NDUFAF2: variants seen among roughly 807,000 people sequenced by gnomAD.
NDUFAF2 encodes the protein NADH:ubiquinone oxidoreductase complex assembly factor 2.
In NDUFAF2, 13 loss-of-function variants were observed where a neutral mutation model predicts 22.8. That is an observed-to-expected ratio of 0.57 (90% CI 0.37 to 0.91). NDUFAF2 has a LOEUF of 0.91. Ranked by LOEUF, NDUFAF2 falls within the 40% of genes least tolerant of loss-of-function variation. NDUFAF2 has a pLI of 0.01. For missense variants in NDUFAF2, 162 were observed against 195.2 expected (o/e 0.83, Z 1.01); for synonymous variants, 53 against 64.2 (o/e 0.83, Z 0.84).
chr5:61,134,526 A>T (rs569757390), intron 3 of NDUFAF2, among the ~76,000 whole-genome samples: 12 of 151,798 alleles, frequency 7.9e-5, no homozygotes, highest in African/African-American at 2.4e-4. Context: ...TCTACTAAAA[A>T]TACAAAAAAA....
At chr5:61,040,372 A>C (rs1580108521) in intron 1 of NDUFAF2, among the ~76,000 whole-genome samples, 1 of 152,156 alleles carries the variant, frequency 6.6e-6, no homozygotes, top group East Asian at 1.9e-4. Context: ...TAGAAAAGGC[A>C]AAGAAAGATT....
Position 61,067,898 on chromosome 5 carries a change from C to T in NDUFAF2, c.128-5227C>T, listed in dbSNP as rs544205617. On this transcript the variant is annotated intron_variant, in intron 1 of 3. Coordinates refer to ENST00000296597, the MANE Select transcript of NDUFAF2 (RefSeq NM_174889.5). ...CTCACTGTGGTTTTGATTTGCATTT[C>T]TCTGATGGCCAGTGATGATAAGCAT... Among the ~76,000 whole-genome samples, 6 of 152,212 alleles carry T rather than the reference C, an allele frequency of 3.9e-5. No homozygotes were observed. The South Asian group carries it at 6.2e-4, about 16-fold the overall frequency.
intron 3 of NDUFAF2, chr5:61,116,891 C>T (rs1335517037): frequency 6.6e-6 from 1 of 152,088 alleles, no homozygotes; most frequent in Non-Finnish European, 1.5e-5. Context: ...CCTGATACAT[C>T]TGAACATACC....
intron 1 of NDUFAF2, among the ~76,000 whole-genome samples, chr5:60,975,510 A>G (rs1750890795): frequency 6.6e-6 from 1 of 152,166 alleles, no homozygotes; most frequent in Admixed American, 6.5e-5. Flanking sequence ...AATTTAGGAG[A>G]GACATCTGAT....
chr5:61,008,370 T>C (rs1019733491), intron 1 of NDUFAF2, among the ~76,000 whole-genome samples: 8 of 152,122 alleles, frequency 5.3e-5, no homozygotes, highest in African/African-American at 1.9e-4. Context: ...AGAATAGTCT[T>C]TGTAAGAAAG....
At chr5:61,037,913 A>G (rs1751819067) in intron 1 of NDUFAF2, among the ~76,000 whole-genome samples, 1 of 151,944 alleles carries the variant, frequency 6.6e-6, no homozygotes, top group Non-Finnish European at 1.5e-5. Context: ...GCAGTAATAC[A>G]GGCACATGGT....
At chr5:61,057,330 T>C (rs192787962) in intron 1 of NDUFAF2, among the ~76,000 whole-genome samples, 2 of 152,266 alleles carry the variant, frequency 1.3e-5, no homozygotes, top group East Asian at 3.9e-4. Context: ...AACAGGATTG[T>C]AGGGAAAATG....
At chr5:61,120,091 C>T (rs2111797353) in intron 3 of NDUFAF2, among the ~76,000 whole-genome samples, 1 of 152,124 alleles carries the variant, frequency 6.6e-6, no homozygotes, top group East Asian at 1.9e-4. Context: ...TACTTAACTA[C>T]CGTAATAAAT....
intron 1 of NDUFAF2, among the ~76,000 whole-genome samples, chr5:60,952,531 T>TA: frequency 6.6e-6 from 1 of 152,264 alleles, no homozygotes; most frequent in Non-Finnish European, 1.5e-5. Context: ...TTAATTCTAT[T>TA]ATATTCAGAG....
intron 2 of NDUFAF2, among the ~76,000 whole-genome samples, chr5:61,093,857 A>G (rs927746522): frequency 1.3e-5 from 2 of 151,962 alleles, no homozygotes; most frequent in Admixed American, 6.6e-5. Flanking sequence ...TTCTTTGTAC[A>G]TCTAGTAGAA....
At chr5:61,081,887 T>C (rs1414816767) in intron 2 of NDUFAF2, among the ~76,000 whole-genome samples, 1 of 152,248 alleles carries the variant, frequency 6.6e-6, no homozygotes, top group Admixed American at 6.5e-5. Flanking sequence ...AAAATATATT[T>C]CTTCATCAGC....
At chr5:61,146,818 T>A (rs1741145565) in intron 3 of NDUFAF2, among the ~76,000 whole-genome samples, 1 of 152,220 alleles carries the variant, frequency 6.6e-6, no homozygotes, top group Non-Finnish European at 1.5e-5. Context: ...CTGTTCATTT[T>A]TTAGCCCTTT....
intron 1 of NDUFAF2, among the ~76,000 whole-genome samples, chr5:61,021,351 ATCTGTCGC>A (rs3031070): frequency 0.63 from 95,461 of 151,236 alleles, 30,527 homozygotes; most frequent in East Asian, 0.94. Flanking sequence ...CTTCAAACAG[ATCTGTCGC>A]TGACTCTCAG....
intron 3 of NDUFAF2, among the ~76,000 whole-genome samples, chr5:61,133,189 T>C (rs1279890395): frequency 6.6e-6 from 1 of 152,212 alleles, no homozygotes; most frequent in Non-Finnish European, 1.5e-5. Context: ...GTTATTGTAG[T>C]TGTGCTACGC....
chr5:61,039,065 G>A (rs1751838043), intron 1 of NDUFAF2, among the ~76,000 whole-genome samples: 1 of 148,716 alleles, frequency 6.7e-6, no homozygotes, highest in Non-Finnish European at 1.5e-5. Context: ...AAAATATTCA[G>A]TGCTTATATT....
At chr5:60,994,808 T>C (rs934825333) in intron 1 of NDUFAF2, among the ~76,000 whole-genome samples, 8 of 152,316 alleles carry the variant, frequency 5.3e-5, no homozygotes, top group African/African-American at 1.9e-4. Context: ...GCCTCCTCAT[T>C]AAGGCCAGTA....
At chr5:61,008,542 A>G (rs981738986) in intron 1 of NDUFAF2, among the ~76,000 whole-genome samples, 1 of 152,120 alleles carries the variant, frequency 6.6e-6, no homozygotes, top group African/African-American at 2.4e-5. Flanking sequence ...AAATTGCTTA[A>G]ATGCACTGAG....
At chr5:61,034,912 A>ATATATG (rs111557328) in intron 1 of NDUFAF2, among the ~76,000 whole-genome samples, 2,193 of 144,960 alleles carry the variant, frequency 0.015, 65 homozygotes, top group African/African-American at 0.053. Flanking sequence ...GCAAATATAT[A>ATATATG]TGTGTGTGTG....
intron 2 of NDUFAF2, among the ~76,000 whole-genome samples, chr5:61,083,841 A>T (rs919756656): frequency 6.6e-6 from 1 of 151,750 alleles, no homozygotes; most frequent in Non-Finnish European, 1.5e-5. Flanking sequence ...GTGTACTTTT[A>T]AGTGATATTG....
Sources: allele counts gnomAD v4.1 joint callset (sites outside exome capture counted in the v4.1 genomes callset), GRCh38; gene constraint gnomAD v4.1.1; transcripts MANE v1.5; gene names NCBI Gene and HGNC (gene_info 2026-07-23, HGNC 2026-07-21).